RELN: variants seen among roughly 807,000 people sequenced by gnomAD.
RELN encodes the protein reelin.
In RELN, 108 loss-of-function variants were observed where a neutral mutation model predicts 427.6. The ratio of observed to expected loss-of-function variants is 0.25; its 90% CI spans 0.22 to 0.30. The LOEUF (loss-of-function observed/expected upper bound fraction) is 0.30. Among genes scored for constraint, RELN ranks in the 10% least tolerant of loss-of-function variants. The pLI, the probability that RELN is intolerant of heterozygous loss-of-function variation, is 1.00. For synonymous variants in RELN, 1,524 were observed against 1,513.4 expected (o/e 1.01, Z -0.16); for missense variants, 3,715 against 4,302.8 (o/e 0.86, Z 3.82).
At chr7:103,936,958 C>A in intron 1 of RELN, among the ~76,000 whole-genome samples, 1 of 152,174 alleles carries the variant, frequency 6.6e-6, no homozygotes, top group East Asian at 1.9e-4. Context: ...TTCATTTGTT[C>A]TTTTAAAAAA....
intron 11 of RELN, among the ~76,000 whole-genome samples, chr7:103,668,497 A>G (rs1471154503): frequency 6.6e-6 from 1 of 152,146 alleles, no homozygotes; most frequent in Non-Finnish European, 1.5e-5. Flanking sequence ...CAGCTCTAAA[A>G]TTTAGATCTT....
rs371864648 is a variant in RELN at position 103,799,463 on chromosome 7, C to T, written c.474-22836G>A. ...ATTCTTCTGTCACCTCTCACACTTA[C>T]AGCCCAGTTCATGCTTTCAGTTCCT... On this transcript the variant is annotated intron_variant, in intron 3 of 64. Coordinates refer to ENST00000428762, the MANE Select transcript of RELN (RefSeq NM_005045.4). 7.9e-5 allele frequency among the ~76,000 whole-genome samples: 12 copies of T among 152,314 alleles called. No individual in the cohort carries two copies. In the East Asian group the frequency reaches 1.4e-3, roughly 17 times the overall value.
intron 49 of RELN, among the ~76,000 whole-genome samples, chr7:103,517,311 T>C (rs1359467626): frequency 2.0e-5 from 3 of 152,132 alleles, no homozygotes; most frequent in Non-Finnish European, 2.9e-5. Flanking sequence ...CACAGAGCAA[T>C]GATCTTTTAT....
chr7:103,477,513 A>G (rs1412561989), intron 64 of RELN, among the ~76,000 whole-genome samples: 2 of 152,242 alleles, frequency 1.3e-5, no homozygotes, highest in Non-Finnish European at 2.9e-5. Context: ...TAAGGCAGGA[A>G]GCTGCCATTC....
chr7:103,612,417 A>T (rs1423430859), intron 20 of RELN, among the ~76,000 whole-genome samples: 1 of 151,534 alleles, frequency 6.6e-6, no homozygotes, highest in Non-Finnish European at 1.5e-5. Flanking sequence ...CTGGGATTAC[A>T]GGCATGTGCC....
chr7:103,583,344 G>C (rs1435628635), intron 28 of RELN, among the ~76,000 whole-genome samples: 4 of 152,242 alleles, frequency 2.6e-5, no homozygotes, highest in Admixed American at 2.6e-4. Flanking sequence ...CCCCTCTCAT[G>C]TATCTACATA....
rs779851248 is a variant in RELN, at chr7:103,604,452, T to G, written c.3040A>C (p.Ser1014Arg). 1.5e-5 allele frequency: 24 copies of G among 1,613,810 alleles called. No individual in the cohort carries two copies. In the East Asian group the frequency reaches 4.5e-4, roughly 30 times the overall value. The change falls in exon 23 of 65, where the codon AGC becomes CGC. Residue 1014 changes from serine to arginine, a missense_variant. Around this residue, in one of 4 missense-constraint regions of RELN, gnomAD observed 2,208 missense variants for 2,361.7 expected, o/e 0.93. Coordinates refer to ENST00000428762, the MANE Select transcript of RELN (RefSeq NM_005045.4). Reference protein sequence around the residue: ...SSATRFRWSQSYYTAQDEWAL... With the variant: ...SSATRFRWSQRYYTAQDEWAL... ...CACTCGTCTTGAGCTGTGTAATAGC[T>G]CTGGCTCCAGCGGAAACGGGTAGCA...
At chr7:103,728,006 A>G in intron 7 of RELN, 105 bp downstream of exon 7, 1 of 1,031,984 alleles carries the variant, frequency 9.7e-7, no homozygotes, top group Non-Finnish European at 1.5e-6. Context: ...CATAAATCAT[A>G]TTTGAATTTT....
chr7:103,841,343 T>C (rs1375708935), intron 2 of RELN, among the ~76,000 whole-genome samples: 3 of 152,206 alleles, frequency 2.0e-5, no homozygotes, highest in African/African-American at 4.8e-5. Context: ...TTTAAAATCA[T>C]TGTCATACAA....
In RELN at chr7:103,661,530, A is replaced by T. The variant is rs1442847128; in HGVS notation, c.1290-3T>A. The T allele has an allele frequency of 2.6e-6, 4 of 1,556,078 alleles. No individual in the cohort carries two copies. Among genetic ancestry groups the T allele is most frequent in the Non-Finnish European group, 1.8e-6 (2 of 1,137,698 alleles). On this transcript the variant is annotated splice_polypyrimidine_tract_variant and splice_region_variant and intron_variant, in intron 11 of 64. Coordinates refer to ENST00000428762, the MANE Select transcript of RELN (RefSeq NM_005045.4). ...TGACAGCTCCCAAGACATCCCATCT[A>T]AAAAAAAAGGGGGATTAAGAGTTAG...
At chr7:103,840,598 G>GT (rs1563044367) in intron 2 of RELN, among the ~76,000 whole-genome samples, 1 of 152,148 alleles carries the variant, frequency 6.6e-6, no homozygotes. Context: ...GCAAGGGTGC[G>GT]TATATAAACT....
intron 3 of RELN, among the ~76,000 whole-genome samples, chr7:103,818,077 C>T (rs1478518466): frequency 3.3e-5 from 5 of 151,400 alleles, no homozygotes; most frequent in African/African-American, 9.7e-5. Flanking sequence ...CACTAACTTA[C>T]ATTATCTTAT....
intron 1 of RELN, among the ~76,000 whole-genome samples, chr7:103,984,697 C>T (rs949647278): frequency 6.6e-6 from 1 of 152,026 alleles, no homozygotes; most frequent in Admixed American, 6.6e-5. Context: ...TTTCATAGTC[C>T]TATATAAGCA....
At position 103,813,128 on chromosome 7, in the gene RELN, G is replaced by A. The variant is rs563726912; in HGVS notation, c.473+20409C>T. The stretch of plus-strand genomic sequence containing the variant: ...ATGAGGATGTTAATGTAGATACTAC[G>A]TTTGTTTCCCTGGAAGGTTACTGGA... On this transcript the variant is annotated intron_variant, in intron 3 of 64. Coordinates refer to ENST00000428762, the MANE Select transcript of RELN (RefSeq NM_005045.4). Among the ~76,000 whole-genome samples, 7 of 152,126 alleles carry A rather than the reference G, an allele frequency of 4.6e-5. No individual in the cohort carries two copies. In the South Asian group the frequency reaches 8.3e-4, roughly 18 times the overall value.
At chr7:103,579,155 A>T (rs1043900065) in intron 28 of RELN, among the ~76,000 whole-genome samples, 3 of 152,218 alleles carry the variant, frequency 2.0e-5, no homozygotes, top group African/African-American at 7.2e-5. Context: ...CACCCACACA[A>T]ATAAATGCAC....
At chr7:103,785,489 T>C (rs1022027952) in intron 3 of RELN, among the ~76,000 whole-genome samples, 2 of 152,144 alleles carry the variant, frequency 1.3e-5, no homozygotes, top group African/African-American at 4.8e-5. Flanking sequence ...GTTTCCACAA[T>C]AGAAGAAGCG....
intron 36 of RELN, among the ~76,000 whole-genome samples, chr7:103,559,047 T>C (rs974980967): frequency 6.6e-6 from 1 of 152,228 alleles, no homozygotes; most frequent in African/African-American, 2.4e-5. Context: ...TGCCTATACA[T>C]GCTGGGTGCT....
intron 4 of RELN, among the ~76,000 whole-genome samples, chr7:103,766,190 T>G (rs1249470388): frequency 6.6e-6 from 1 of 152,178 alleles, no homozygotes; most frequent in East Asian, 1.9e-4. Flanking sequence ...GTTGTCTTTG[T>G]TTATAAAAAT....
chr7:103,655,538 AGAAAGT>A (rs1833006333), intron 12 of RELN, among the ~76,000 whole-genome samples: 1 of 152,222 alleles, frequency 6.6e-6, no homozygotes, highest in South Asian at 2.1e-4. Flanking sequence ...TAAACTAAGA[AGAAAGT>A]GTCAATTGTT....
Sources: gnomAD v4.1 joint callset for allele counts (sites outside exome capture counted in the v4.1 genomes callset) on GRCh38, gnomAD v4.1.1 for gene constraint, gnomAD v4.1.1 regional missense constraint, MANE v1.5 for transcripts, NCBI Gene and HGNC (gene_info 2026-07-23, HGNC 2026-07-21) for gene names.